The following SGCZ variants were observed in gnomAD, a reference collection of about 807,000 sequenced individuals.
SGCZ encodes the protein sarcoglycan zeta, also known as zeta-sarcoglycan.
SGCZ carries 40 observed loss-of-function variants against 41.3 expected under a neutral mutation model. The observed-to-expected ratio is 0.97, with a 90% CI of 0.75 to 1.26. The LOEUF (loss-of-function observed/expected upper bound fraction) is 1.26. SGCZ is among the 50% of genes most tolerant of loss of function. The pLI is 0.00. For missense variants in SGCZ, 552 were observed against 369.8 expected (o/e 1.49, Z -4.04); for synonymous variants, 206 against 137.5 (o/e 1.50, Z -3.49).
At chr8:14,905,020 A>G (rs942803915) in intron 1 of SGCZ, among the ~76,000 whole-genome samples, 3 of 151,982 alleles carry the variant, frequency 2.0e-5, no homozygotes, top group Admixed American at 6.6e-5. Flanking sequence ...TAAAACTATA[A>G]AAGACAATAT....
At chr8:14,412,009 C>G (rs535711062) in intron 2 of SGCZ, among the ~76,000 whole-genome samples, 1 of 152,042 alleles carries the variant, frequency 6.6e-6, no homozygotes, top group Non-Finnish European at 1.5e-5. Flanking sequence ...AATGCAAGGG[C>G]GTGCATCTTC....
chr8:14,452,355 T>A (rs1800619096), intron 2 of SGCZ, among the ~76,000 whole-genome samples: 1 of 152,098 alleles, frequency 6.6e-6, no homozygotes, highest in Non-Finnish European at 1.5e-5. Context: ...ACAGTAAAAT[T>A]ATTCTGTGTG....
intron 2 of SGCZ, among the ~76,000 whole-genome samples, chr8:14,481,872 T>C (rs992014596): frequency 1.3e-5 from 2 of 152,296 alleles, no homozygotes; most frequent in East Asian, 1.9e-4. Context: ...TTTTCAAACA[T>C]TGGACAATTG....
At chr8:14,358,230 A>G (rs565157643) in intron 2 of SGCZ, among the ~76,000 whole-genome samples, 4 of 152,288 alleles carry the variant, frequency 2.6e-5, no homozygotes, top group East Asian at 3.9e-4. Flanking sequence ...TAAACTATAA[A>G]TATATTATCG....
At chr8:14,861,990 G>GAGCC (rs1803765581) in intron 1 of SGCZ, among the ~76,000 whole-genome samples, 1 of 151,858 alleles carries the variant, frequency 6.6e-6, no homozygotes, top group African/African-American at 2.4e-5. Context: ...GAAGAAAACA[G>GAGCC]AGCCAACACC....
intron 1 of SGCZ, among the ~76,000 whole-genome samples, chr8:14,888,136 C>T (rs1013307613): frequency 6.6e-6 from 1 of 152,092 alleles, no homozygotes; most frequent in African/African-American, 2.4e-5. Context: ...AGAATATAAA[C>T]TGAGCATCAC....
intron 1 of SGCZ, among the ~76,000 whole-genome samples, chr8:15,153,348 G>C (rs973411540): frequency 6.6e-6 from 1 of 152,142 alleles, no homozygotes; most frequent in African/African-American, 2.4e-5. Flanking sequence ...AGCCAAAGTG[G>C]AATGTGCACC....
intron 1 of SGCZ, among the ~76,000 whole-genome samples, chr8:14,986,044 T>G (rs1483676824): frequency 2.6e-5 from 4 of 151,730 alleles, no homozygotes; most frequent in Non-Finnish European, 5.9e-5. Flanking sequence ...TTAAGTTTGA[T>G]ATTATGCATT....
At chr8:14,503,144 G>C (rs1447691705) in intron 2 of SGCZ, among the ~76,000 whole-genome samples, 1 of 152,162 alleles carries the variant, frequency 6.6e-6, no homozygotes, top group Admixed American at 6.5e-5. Context: ...CATGTCCTTT[G>C]TGGGGACATG....
At chr8:15,163,135 G>C (rs1799563096) in intron 1 of SGCZ, among the ~76,000 whole-genome samples, 1 of 152,202 alleles carries the variant, frequency 6.6e-6, no homozygotes, top group Non-Finnish European at 1.5e-5. Context: ...GTACGTAACA[G>C]TTCTTGCTTG....
At chr8:14,300,816 G>GTT (rs1801161118) in intron 3 of SGCZ, among the ~76,000 whole-genome samples, 1 of 151,750 alleles carries the variant, frequency 6.6e-6, no homozygotes, top group Non-Finnish European at 1.5e-5. Flanking sequence ...TTCTAATCAG[G>GTT]CTATTTGTTT....
chr8:14,296,660 G>A (rs1421402373), intron 3 of SGCZ, among the ~76,000 whole-genome samples: 1 of 151,824 alleles, frequency 6.6e-6, no homozygotes, highest in African/African-American at 2.4e-5. Context: ...GTAGACTAGG[G>A]TACATTAAAC....
At chr8:14,295,967 AC>A (rs765063130) in intron 3 of SGCZ, among the ~76,000 whole-genome samples, 1 of 152,172 alleles carries the variant, frequency 6.6e-6, no homozygotes, top group Non-Finnish European at 1.5e-5. Context: ...CTGTCAGAGA[AC>A]AGCTACTGGA....
intron 1 of SGCZ, among the ~76,000 whole-genome samples, chr8:15,046,705 T>C (rs1804315491): frequency 6.6e-6 from 1 of 152,030 alleles, no homozygotes; most frequent in Non-Finnish European, 1.5e-5. Context: ...GCATTGCTTC[T>C]AGCCCCTTTC....
chr8:14,507,677 T>C (rs1197100535), intron 2 of SGCZ, among the ~76,000 whole-genome samples: 1 of 152,226 alleles, frequency 6.6e-6, no homozygotes, highest in Non-Finnish European at 1.5e-5. Flanking sequence ...CTGCATGGAA[T>C]GCAATTCTTC....
At chr8:14,100,580 AAAT>A (rs201867989) in intron 7 of SGCZ, among the ~76,000 whole-genome samples, 26,453 of 139,650 alleles carry the variant, frequency 0.19, 3,547 homozygotes, top group East Asian at 0.67. Context: ...ATATATTTTC[AAAT>A]AATATATTAT....
At chr8:14,752,464 C>G (rs1388226682) in intron 1 of SGCZ, among the ~76,000 whole-genome samples, 1 of 152,058 alleles carries the variant, frequency 6.6e-6, no homozygotes, top group Non-Finnish European at 1.5e-5. Flanking sequence ...TTTCATTATT[C>G]TCTTTTTATT....
intron 1 of SGCZ, among the ~76,000 whole-genome samples, chr8:15,005,032 C>A (rs2130916410): frequency 6.6e-6 from 1 of 152,264 alleles, no homozygotes; most frequent in Admixed American, 6.5e-5. Context: ...AACTGATGTT[C>A]TATACTCTGC....
chr8:14,320,522 C>G (rs924898281), intron 3 of SGCZ, among the ~76,000 whole-genome samples: 1 of 151,804 alleles, frequency 6.6e-6, no homozygotes, highest in African/African-American at 2.4e-5. Flanking sequence ...AAGTTTGTTA[C>G]GTATGTATAC....
Sources: gnomAD v4.1 joint callset for allele counts (sites outside exome capture counted in the v4.1 genomes callset) on GRCh38, gnomAD v4.1.1 for gene constraint, MANE v1.5 for transcripts, NCBI Gene and HGNC (gene_info 2026-07-23, HGNC 2026-07-21) for gene names.